SPINK4: variants seen among roughly 807,000 people sequenced by gnomAD.
SPINK4 encodes serine peptidase inhibitor Kazal type 4.
SPINK4 carries 10 observed loss-of-function variants against 12.3 expected under a neutral mutation model. The ratio of observed to expected loss-of-function variants is 0.81; its 90% confidence interval spans 0.50 to 1.37. The LOEUF is 1.37. SPINK4 is among the 40% of genes most tolerant of loss of function. The pLI is 0.00. For missense variants in SPINK4, 91 were observed against 109.0 expected (o/e 0.84, Z 0.73); for synonymous variants, 37 against 40.2 (o/e 0.92, Z 0.30).
Position 33,248,432 on chromosome 9 carries a change from C to A in SPINK4, c.222C>A (p.Thr74=). 6.2e-7 allele frequency: 1 copy of A among 1,614,076 alleles called. No homozygotes were observed. Among genetic ancestry groups the A allele is most frequent in the Non-Finnish European group, 8.5e-7 (1 of 1,180,016 alleles). ...ECQLCLARIK[T]KQDIQIMKDG... ...CTGTCTTCTTTGATCCTAGAAAAAC[C>A]AAACAGGACATCCAGATCATGAAAG... The change falls in exon 4 of 4, where the codon ACC becomes ACA. Residue 74 remains threonine, a synonymous_variant. Transcript: ENST00000379721.
At chr9:33,246,794 A>G in intron 3 of SPINK4, 66 bp downstream of exon 3, 2 of 1,428,850 alleles carry the variant, frequency 1.4e-6, no homozygotes, top group South Asian at 2.3e-5. Context: ...GTCTGAAAGG[A>G]GCAAGACTTG....
In SPINK4 at chr9:33,248,532, G is replaced by C; in HGVS notation, c.*61G>C. On this transcript the variant is annotated 3_prime_UTR_variant, in exon 4 of 4. Coordinates refer to ENST00000379721, the MANE Select transcript of SPINK4 (RefSeq NM_014471.3). ...TGGAGAACAGTGGTGGGCATGGAGA[G>C]GATATGACATGAAATAAAAGATCCA... is the stretch of plus-strand genomic sequence containing the variant. 6.3e-7 allele frequency: 1 copy of C among 1,592,190 alleles called. No homozygotes were observed. The highest frequency in any genetic ancestry group is 8.6e-7 in the Non-Finnish European group (1 of 1,163,104).
At chr9:33,244,655 C>T (rs925418650) in intron 1 of SPINK4, among the ~76,000 whole-genome samples, 3 of 152,122 alleles carry the variant, frequency 2.0e-5, no homozygotes, top group African/African-American at 7.2e-5. Flanking sequence ...ATATTTCTGG[C>T]AGCAGGGGAA....
rs1370358785 is a variant in SPINK4 at position 33,240,279 on chromosome 9, CAGAACCT to C, written c.61+11_61+17del. ...CTTGTTGTGGACAGGGGTGAGTGGG[CAGAACCT>C]GGATTCTCTGTGGCTTTGTGTTGGT... On this transcript the variant is annotated intron_variant, in intron 1 of 3. Coordinates refer to ENST00000379721, the MANE Select transcript of SPINK4 (RefSeq NM_014471.3). The C allele has an allele frequency of 6.3e-7, 1 of 1,594,984 alleles. No individual in the cohort carries two copies. The highest frequency in any genetic ancestry group is 1.1e-5 in the South Asian group (1 of 88,062).
intron 3 of SPINK4, among the ~76,000 whole-genome samples, chr9:33,247,415 G>A (rs1477393470): frequency 6.6e-6 from 1 of 150,872 alleles, no homozygotes; most frequent in East Asian, 1.9e-4. Context: ...TGATCCACCC[G>A]CCTCAGCCTC....
intron 2 of SPINK4, 118 bp from the exon 3 acceptor site, chr9:33,246,498 T>C (rs1820286410): frequency 2.6e-6 from 2 of 762,616 alleles, no homozygotes; most frequent in South Asian, 3.0e-5. Context: ...GGACCCACAC[T>C]GGGGGCCTTC....
In SPINK4 at chr9:33,240,190, A is replaced by G; in HGVS notation, c.-19A>G. 1 of 1,597,172 alleles carries G rather than the reference A, an allele frequency of 6.3e-7. No homozygotes were observed. The highest frequency in any genetic ancestry group is 8.5e-7 in the Non-Finnish European group (1 of 1,172,418). ...GCGCAGGCCCCAGCCAGCTCAGGCT[A>G]CACTATCCCAGGATCAGCATGGCCG... On this transcript the variant is annotated 5_prime_UTR_variant, in exon 1 of 4. Transcript: ENST00000379721.
intron 1 of SPINK4, 104 bp from the exon 2 acceptor site, chr9:33,245,008 G>A: frequency 1.9e-6 from 2 of 1,048,148 alleles, no homozygotes; most frequent in Non-Finnish European, 1.4e-6. Flanking sequence ...ATTCCAGGTT[G>A]GGTAGTTGCT....
intron 2 of SPINK4, 93 bp from the exon 3 acceptor site, chr9:33,246,494 ACACTGGGGGCCTTCTTGACTCTGATACCT>A: frequency 4.0e-6 from 3 of 746,928 alleles, no homozygotes; most frequent in South Asian, 1.6e-5. Context: ...CACTGGACCC[ACACTGGGGGCCTTCTTGACTCTGATACCT>A]CACTGGGGCC....
intron 1 of SPINK4, among the ~76,000 whole-genome samples, chr9:33,242,960 C>T (rs1175228911): frequency 1.3e-5 from 2 of 151,770 alleles, no homozygotes; most frequent in Non-Finnish European, 2.9e-5. Context: ...ACTGCAGCTT[C>T]AACCTCCTGG....
intron 3 of SPINK4, among the ~76,000 whole-genome samples, chr9:33,246,962 C>T (rs1310915524): frequency 6.6e-6 from 1 of 151,998 alleles, no homozygotes; most frequent in Non-Finnish European, 1.5e-5. Context: ...AACCATTTTC[C>T]TTGTTCTGCC....
chr9:33,244,737 C>T (rs1325381834), intron 1 of SPINK4, among the ~76,000 whole-genome samples: 1 of 152,210 alleles, frequency 6.6e-6, no homozygotes, highest in African/African-American at 2.4e-5. Flanking sequence ...CCTTTCTTCC[C>T]TCTGTTACAC....
Position 33,241,384 on chromosome 9 carries a change from G to A in SPINK4, c.61+1115G>A, listed in dbSNP as rs73476621. Among the ~76,000 whole-genome samples the A allele has an allele frequency of 8.1e-3, 1,231 of 152,322 alleles. 15 individuals carry two copies. Among genetic ancestry groups the A allele is most frequent in the African/African-American group, 0.028 (1,177 of 41,556 alleles). On this transcript the variant is annotated intron_variant, in intron 1 of 3. Transcript: ENST00000379721. Reference sequence around the variant, plus strand: ...GTTATGTCTTTCAAGGGTTGCTCTGGTTGGTACATTGAGAATAAACTGAAC... The same window carrying A: ...GTTATGTCTTTCAAGGGTTGCTCTGATTGGTACATTGAGAATAAACTGAAC...
chr9:33,247,607 T>C (rs1048382489), intron 3 of SPINK4, among the ~76,000 whole-genome samples: 2 of 152,242 alleles, frequency 1.3e-5, no homozygotes, highest in Admixed American at 6.5e-5. Flanking sequence ...TGAGGAAATA[T>C]AAGAAGTTGG....
intron 1 of SPINK4, among the ~76,000 whole-genome samples, chr9:33,241,815 C>T (rs1820237461): frequency 6.6e-6 from 1 of 152,118 alleles, no homozygotes; most frequent in Non-Finnish European, 1.5e-5. Context: ...CAGAAAGAAA[C>T]TCTGACATCT....
At chr9:33,244,591 G>C (rs1820268489) in intron 1 of SPINK4, among the ~76,000 whole-genome samples, 1 of 152,156 alleles carries the variant, frequency 6.6e-6, no homozygotes, top group African/African-American at 2.4e-5. Context: ...CCTGGGCAAG[G>C]CAGCTTCATT....
At chr9:33,245,452 G>A (rs1820276268) in intron 2 of SPINK4, among the ~76,000 whole-genome samples, 1 of 152,174 alleles carries the variant, frequency 6.6e-6, no homozygotes, top group Non-Finnish European at 1.5e-5. Context: ...GACAGGGTGT[G>A]CTCTCTGCTC....
intron 3 of SPINK4, among the ~76,000 whole-genome samples, chr9:33,247,304 C>T (rs1402682032): frequency 6.6e-6 from 1 of 151,416 alleles, no homozygotes; most frequent in Non-Finnish European, 1.5e-5. Flanking sequence ...ATTACAGGCG[C>T]CCACCACCAC....
intron 2 of SPINK4, among the ~76,000 whole-genome samples, chr9:33,245,885 G>A (rs1251215761): frequency 6.6e-6 from 1 of 152,238 alleles, no homozygotes. Flanking sequence ...GAGACTCAGA[G>A]AGTGGAAATA....
Sources: allele counts gnomAD v4.1 joint callset (sites outside exome capture counted in the v4.1 genomes callset), GRCh38; gene constraint gnomAD v4.1.1; transcripts MANE v1.5; gene names NCBI Gene and HGNC (gene_info 2026-07-23, HGNC 2026-07-21).